The following UTRN variants were observed in gnomAD, a reference collection of about 807,000 sequenced individuals.
UTRN encodes utrophin.
UTRN carries 283 observed loss-of-function variants against 463.9 expected under a neutral mutation model. The ratio of observed to expected loss-of-function variants is 0.61; its 90% confidence interval spans 0.55 to 0.67. The LOEUF (loss-of-function observed/expected upper bound fraction) is 0.67. UTRN is among the 30% of genes least tolerant of loss of function. The pLI, the probability that UTRN is intolerant of heterozygous loss-of-function variation, is 0.00. For missense variants in UTRN, 3,922 were observed against 4,084.3 expected, an observed-to-expected ratio of 0.96 and a Z score of 1.08; for synonymous variants, 1,442 against 1,431.5, an observed-to-expected ratio of 1.01 and a Z score of -0.17.
intron 53 of UTRN, among the ~76,000 whole-genome samples, chr6:144,727,996 A>C (rs1788075526): frequency 2.0e-5 from 3 of 151,056 alleles, no homozygotes; most frequent in Admixed American, 2.0e-4. Flanking sequence ...GCTACTTGGG[A>C]GGCTGAGGCA....
chr6:144,740,051 C>G (rs1789878419), intron 54 of UTRN, among the ~76,000 whole-genome samples: 1 of 152,124 alleles, frequency 6.6e-6, no homozygotes, highest in South Asian at 2.1e-4. Flanking sequence ...ATAATAATTC[C>G]TTGAAGGGTG....
chr6:144,531,304 A>G, intron 42 of UTRN, 102 bp downstream of exon 42: 1 of 1,178,826 alleles, frequency 8.5e-7, no homozygotes, highest in Non-Finnish European at 1.1e-6. Flanking sequence ...ATTTTTCAGA[A>G]GTCAATGGAC....
At chr6:144,615,646 C>T (rs1467045545) in intron 51 of UTRN, among the ~76,000 whole-genome samples, 2 of 152,138 alleles carry the variant, frequency 1.3e-5, no homozygotes, top group African/African-American at 4.8e-5. Context: ...TCTCTGCCTC[C>T]AAAGTATATT....
At chr6:144,507,829 G>A (rs1252369821) in intron 34 of UTRN, among the ~76,000 whole-genome samples, 1 of 152,172 alleles carries the variant, frequency 6.6e-6, no homozygotes, top group East Asian at 1.9e-4. Context: ...GAGCCAGCAG[G>A]CAGGAACATT....
chr6:144,806,335 GCTTATCCTGCATTATA>G (rs1778143827), intron 65 of UTRN, among the ~76,000 whole-genome samples: 1 of 152,088 alleles, frequency 6.6e-6, no homozygotes, highest in Non-Finnish European at 1.5e-5. Flanking sequence ...CAAGATTGCA[GCTTATCCTGCATTATA>G]CAAGGATAGC....
intron 23 of UTRN, among the ~76,000 whole-genome samples, chr6:144,465,508 A>G (rs1789861679): frequency 1.3e-5 from 2 of 152,228 alleles, no homozygotes; most frequent in South Asian, 4.1e-4. Flanking sequence ...TGTAATGTCC[A>G]GTACTTTTTT....
chr6:144,446,814 T>A (rs1195359172), intron 14 of UTRN, among the ~76,000 whole-genome samples: 1 of 152,226 alleles, frequency 6.6e-6, no homozygotes, highest in Non-Finnish European at 1.5e-5. Flanking sequence ...ACATGTAACT[T>A]GACTTCTCTT....
chr6:144,505,956 A>G (rs184895395), intron 34 of UTRN, among the ~76,000 whole-genome samples: 91 of 152,254 alleles, frequency 6.0e-4, no homozygotes, highest in African/African-American at 2.1e-3. Flanking sequence ...GTGCATATAT[A>G]TTTAGGATAG....
intron 14 of UTRN, among the ~76,000 whole-genome samples, chr6:144,445,882 C>G (rs1448047643): frequency 6.6e-6 from 1 of 151,932 alleles, no homozygotes; most frequent in East Asian, 1.9e-4. Context: ...AAAAAATTAG[C>G]CAGGCCTGCA....
chr6:144,692,480 A>T (rs575727646), intron 52 of UTRN, among the ~76,000 whole-genome samples: 1 of 152,152 alleles, frequency 6.6e-6, no homozygotes, highest in African/African-American at 2.4e-5. Flanking sequence ...CTGTCTTCTC[A>T]ATAGATGAAC....
intron 1 of UTRN, among the ~76,000 whole-genome samples, chr6:144,291,141 C>G (rs1409700953): frequency 6.6e-6 from 1 of 152,102 alleles, no homozygotes; most frequent in African/African-American, 2.4e-5. Flanking sequence ...CTACTGGCTC[C>G]CCATTGCTCT....
In UTRN at chr6:144,811,911, A is replaced by G. The variant is rs375940090; in HGVS notation, c.9357+8764A>G. ...GATTTTAGCACTTGTGCATGATCCA[A>G]ATGATAATGTTTAATTATTCTGTTT... On this transcript the variant is annotated intron_variant, in intron 65 of 74. Coordinates refer to ENST00000367545, the MANE Select transcript of UTRN (RefSeq NM_007124.3). Among the ~76,000 whole-genome samples the G allele has an allele frequency of 2.7e-4, 41 of 152,252 alleles. No homozygotes were observed. In the South Asian group the frequency reaches 7.7e-3, roughly 28 times the overall value.
intron 59 of UTRN, among the ~76,000 whole-genome samples, chr6:144,773,905 G>A (rs1164991647): frequency 6.6e-6 from 1 of 152,144 alleles, no homozygotes. Context: ...TTGGGGAAGG[G>A]GAATTCTGGT....
In UTRN at chr6:144,310,395, G is replaced by T. The variant is rs1052739703; in HGVS notation, c.79+18488G>T. 3.3e-5 allele frequency among the ~76,000 whole-genome samples: 5 copies of T among 152,134 alleles called. No individual in the cohort carries two copies. The East Asian group carries it at 9.6e-4, about 29-fold the overall frequency. ...CTACTTAACATACAAAATTAACCAG[G>T]CATGGTGGCTCATGCCTGTAATCCC... is the stretch of plus-strand genomic sequence containing the variant. On this transcript the variant is annotated intron_variant, in intron 2 of 74. Transcript: ENST00000367545.
At chr6:144,617,548 G>A (rs1465319962) in intron 51 of UTRN, among the ~76,000 whole-genome samples, 2 of 152,174 alleles carry the variant, frequency 1.3e-5, no homozygotes, top group East Asian at 3.8e-4. Flanking sequence ...ATTGATTTAT[G>A]TTTGCTTTGA....
chr6:144,699,473 G>GTTTTTT lies in UTRN; in HGVS notation c.7653-592_7653-587dup, dbSNP rs71024902. Among the ~76,000 whole-genome samples the GTTTTTT allele has an allele frequency of 2.2e-4, 15 of 67,610 alleles. 1 individual carries two copies. Among genetic ancestry groups the GTTTTTT allele is most frequent in the African/African-American group, 7.7e-4 (14 of 18,258 alleles). 44.4% of individuals were successfully genotyped at this position (67,610 alleles called of 152,430 possible). Reference sequence around the variant, plus strand: ...AAATAATAATAATAATTAGTCAGTGGTTTTTTTTTTTTTTTTTTTTTTTTT... The same window carrying GTTTTTT: ...AAATAATAATAATAATTAGTCAGTGGTTTTTTTTTTTTTTTTTTTTTTTTTTTTTTT... On this transcript the variant is annotated intron_variant, in intron 52 of 74. Coordinates refer to ENST00000367545, the MANE Select transcript of UTRN (RefSeq NM_007124.3).
intron 59 of UTRN, among the ~76,000 whole-genome samples, chr6:144,772,483 A>G (rs73593842): frequency 0.048 from 7,299 of 152,228 alleles, 527 homozygotes; most frequent in African/African-American, 0.15. Flanking sequence ...GTGTGGTTTG[A>G]AATCATGTGA....
chr6:144,734,219 A>G (rs1789105463), intron 54 of UTRN, among the ~76,000 whole-genome samples: 1 of 152,154 alleles, frequency 6.6e-6, no homozygotes, highest in South Asian at 2.1e-4. Flanking sequence ...TGTACCCACA[A>G]AAATTTTCAA....
intron 3 of UTRN, among the ~76,000 whole-genome samples, chr6:144,421,605 C>G (rs1023607707): frequency 2.0e-5 from 3 of 151,800 alleles, no homozygotes; most frequent in Non-Finnish European, 4.4e-5. Context: ...AGGAGAATGG[C>G]GTGAACCCTG....
Sources: gnomAD v4.1 joint callset for allele counts (sites outside exome capture counted in the v4.1 genomes callset) on GRCh38, gnomAD v4.1.1 for gene constraint, MANE v1.5 for transcripts, NCBI Gene and HGNC (gene_info 2026-07-23, HGNC 2026-07-21) for gene names.